The following PPP2R5C variants were observed in gnomAD, a reference collection of about 807,000 sequenced individuals.
The protein encoded by PPP2R5C is serine/threonine-protein phosphatase 2A 56 kDa regulatory subunit gamma isoform.
Under a neutral mutation model 68.9 loss-of-function variants are expected in PPP2R5C, and 7 were observed. The observed-to-expected ratio is 0.10, with a 90% CI of 0.06 to 0.19. The LOEUF is 0.19. Ranked by LOEUF, PPP2R5C falls within the 10% of genes least tolerant of loss-of-function variation. The pLI, the probability that PPP2R5C is intolerant of heterozygous loss-of-function variation, is 1.00. For synonymous variants in PPP2R5C, 210 were observed against 222.2 expected (o/e 0.95, Z 0.49); for missense variants, 348 against 641.3 (o/e 0.54, Z 4.94).
chr14:101,804,243 G>A (rs2038986342), intron 3 of PPP2R5C, among the ~76,000 whole-genome samples: 1 of 152,204 alleles, frequency 6.6e-6, no homozygotes, highest in Non-Finnish European at 1.5e-5. Flanking sequence ...AGGATGTGGG[G>A]AAAAGGGAAC....
At position 101,917,960 on chromosome 14, in the gene PPP2R5C, C is replaced by G. The variant is rs576539353; in HGVS notation, c.1443+13C>G. On this transcript the variant is annotated intron_variant, in intron 13 of 13. Transcript: ENST00000334743. The surrounding 1 kb of genome is among the most constrained non-coding windows in gnomAD (Gnocchi z 4.4). ...CGAGGCTCATCAGGTAAAAGTGCAC[C>G]GAGCTCAGCTGGGCACCCATGACTG... The G allele has an allele frequency of 4.3e-6, 7 of 1,613,614 alleles. No homozygotes were observed. Among genetic ancestry groups the G allele is most frequent in the Non-Finnish European group, 5.9e-6 (7 of 1,179,766 alleles).
chr14:101,909,446 C>T (rs879489683), intron 10 of PPP2R5C, 143 bp from the exon 13 acceptor site: 7 of 472,136 alleles, frequency 1.5e-5, no homozygotes, highest in Non-Finnish European at 1.9e-5. Context: ...ACAAGTAACG[C>T]GGAATGAGCA....
intron 1 of PPP2R5C, among the ~76,000 whole-genome samples, chr14:101,822,034 C>T (rs1434920725): frequency 2.0e-5 from 3 of 151,676 alleles, no homozygotes; most frequent in Non-Finnish European, 2.9e-5. Context: ...ATGTTGAAAA[C>T]GTTGAGGTCT....
intron 3 of PPP2R5C, among the ~76,000 whole-genome samples, chr14:101,803,695 A>C (rs1595203307): frequency 6.6e-6 from 1 of 150,936 alleles, no homozygotes; most frequent in African/African-American, 2.4e-5. Context: ...CTGCACTTGC[A>C]CTCCAGCCTG....
chr14:101,770,299 C>A (rs969322152), intron 2 of PPP2R5C, among the ~76,000 whole-genome samples: 2 of 152,130 alleles, frequency 1.3e-5, no homozygotes, highest in Non-Finnish European at 2.9e-5. Context: ...TTGTTCTGTG[C>A]GAGCACTGTG....
intron 2 of PPP2R5C, among the ~76,000 whole-genome samples, chr14:101,872,201 G>A (rs1425293876): frequency 1.4e-5 from 2 of 138,974 alleles, no homozygotes; most frequent in African/African-American, 5.5e-5. Flanking sequence ...ATCTGCAAAA[G>A]CCTTTCTTTT....
chr14:101,925,280 G>A (rs756578334), exon 14 of PPP2R5C: 2 of 1,611,910 alleles, frequency 1.2e-6, no homozygotes, highest in Non-Finnish European at 1.7e-6. Context: ...TAGCCTCCGG[G>A]GCGCCGCGTC....
At chr14:101,841,883 G>T (rs1595347193) in intron 1 of PPP2R5C, among the ~76,000 whole-genome samples, 1 of 152,160 alleles carries the variant, frequency 6.6e-6, no homozygotes, top group East Asian at 1.9e-4. Flanking sequence ...GGAAGGTGGG[G>T]AGCGCCTCCT....
chr14:101,870,062 T>TGGG (rs780365996), intron 2 of PPP2R5C, among the ~76,000 whole-genome samples: 2 of 142,866 alleles, frequency 1.4e-5, no homozygotes, highest in African/African-American at 2.7e-5. Flanking sequence ...TTTTTTTTTT[T>TGGG]TTTTGAGTTT....
rs556834992 is a variant in PPP2R5C, at chr14:101,857,505, A to G, written c.294+620A>G. On this transcript the variant is annotated intron_variant, in intron 2 of 13. Transcript: ENST00000334743. ...TCAGTGCTTCCTCTGTCATTCCTCTATCAATGACAGTATGTCCTGACTGGC... is the reference window on the plus strand; with the variant it reads ...TCAGTGCTTCCTCTGTCATTCCTCTGTCAATGACAGTATGTCCTGACTGGC... Among the ~76,000 whole-genome samples the G allele has an allele frequency of 4.6e-4, 70 of 152,296 alleles. 1 individual carries two copies. In the South Asian group the frequency reaches 0.012, roughly 26 times the overall value.
rs1301842779 is a variant in PPP2R5C, at chr14:101,915,062, GTTTGGTTTGGTTTGA to G, written c.1326+2604_1326+2618del. ...CAGTGAAGGTTTTTGTTTTGGTTTG[GTTTGGTTTGGTTTGA>G]TTTGGTTTGGTTTGTTTGAGATGGA... On this transcript the variant is annotated intron_variant, in intron 12 of 13. Transcript: ENST00000334743. The surrounding 1 kb of genome is among the most constrained non-coding windows in gnomAD (Gnocchi z 4.2). Among the ~76,000 whole-genome samples the G allele has an allele frequency of 6.6e-6, 1 of 150,738 alleles. No homozygotes were observed. Among genetic ancestry groups the G allele is most frequent in the Non-Finnish European group, 1.5e-5 (1 of 67,986 alleles).
At chr14:101,829,429 G>A (rs2040599672) in intron 1 of PPP2R5C, among the ~76,000 whole-genome samples, 1 of 152,088 alleles carries the variant, frequency 6.6e-6, no homozygotes, top group Non-Finnish European at 1.5e-5. Flanking sequence ...CCAAGCAGAA[G>A]GAACCTACAT....
intron 5 of PPP2R5C, 139 bp from the exon 8 acceptor site, chr14:101,890,098 G>C (rs1254462369): frequency 1.3e-6 from 1 of 779,596 alleles, no homozygotes; most frequent in East Asian, 2.7e-5. Flanking sequence ...TTCCTGAAGG[G>C]CTGCTTGCTC....
At position 101,810,134 on chromosome 14, in the gene PPP2R5C, C is replaced by G. The variant is rs1472259581; in HGVS notation, c.94+98C>G. On this transcript the variant is annotated intron_variant, in intron 1 of 13. Transcript: ENST00000334743. ...AAGAAAAGCAGGAAGTCCTTTCTAGCAGAATTCACCCCATTTCGCTGCAGA... is the reference window on the plus strand; with the variant it reads ...AAGAAAAGCAGGAAGTCCTTTCTAGGAGAATTCACCCCATTTCGCTGCAGA... The G allele has an allele frequency of 4.5e-6, 5 of 1,115,962 alleles. No homozygotes were observed. The African/African-American group carries it at 7.8e-5, about 17-fold the overall frequency. The allele number at this position is 1,115,962 out of a possible 1,614,324, so 69.1% of individuals were successfully genotyped here.
chr14:101,873,870 A>G (rs2043583721), intron 2 of PPP2R5C, among the ~76,000 whole-genome samples: 1 of 152,110 alleles, frequency 6.6e-6, no homozygotes, highest in Admixed American at 6.5e-5. Context: ...ACTTGTTCCC[A>G]TCTCAGGGAT....
chr14:101,917,956 G>T lies in PPP2R5C; in HGVS notation c.1443+9G>T. The stretch of plus-strand genomic sequence containing the variant: ...AGGACGAGGCTCATCAGGTAAAAGT[G>T]CACCGAGCTCAGCTGGGCACCCATG... On this transcript the variant is annotated intron_variant, in intron 13 of 13. Coordinates refer to ENST00000334743, the Ensembl canonical transcript of PPP2R5C. This position sits in a 1 kb window ranked among gnomAD's most constrained non-coding sequence, Gnocchi z 4.4. 2 of 1,613,734 alleles carry T rather than the reference G, an allele frequency of 1.2e-6. No homozygotes were observed. Among genetic ancestry groups the T allele is most frequent in the South Asian group, 1.1e-5 (1 of 91,080 alleles).
chr14:101,841,250 G>A (rs1428699461), intron 1 of PPP2R5C, among the ~76,000 whole-genome samples: 3 of 152,162 alleles, frequency 2.0e-5, no homozygotes, highest in African/African-American at 7.2e-5. Context: ...GCTGCTTCCT[G>A]TCTTCGAGGC....
rs536860467 is a variant in PPP2R5C, at chr14:101,883,669, G to A, written c.629+107G>A. On this transcript the variant is annotated intron_variant, in intron 5 of 13. Transcript: ENST00000334743. ...CTCTGACAGGACTCAGCATGTGGAG[G>A]GGGTTTCTCAAAGCCTATTTGTCAT... The A allele has an allele frequency of 7.0e-5, 98 of 1,407,914 alleles. No individual in the cohort carries two copies. The African/African-American group carries it at 1.3e-3, about 19-fold the overall frequency. The allele number at this position is 1,407,914 out of a possible 1,614,324, so 87.2% of individuals were successfully genotyped here.
At chr14:101,863,759 G>A (rs376290088) in intron 2 of PPP2R5C, among the ~76,000 whole-genome samples, 7 of 152,220 alleles carry the variant, frequency 4.6e-5, no homozygotes, top group Admixed American at 2.6e-4. Context: ...TTAGCTGGGC[G>A]TGGTGGCAGG....
Sources: gnomAD v4.1 joint callset for allele counts (sites outside exome capture counted in the v4.1 genomes callset) on GRCh38, gnomAD v4.1.1 for gene constraint, Gnocchi (gnomAD v3.1) non-coding constraint, MANE v1.5 for transcripts, NCBI Gene and HGNC (gene_info 2026-07-23, HGNC 2026-07-21) for gene names.